The following STK3 variants were observed in gnomAD, a reference collection of about 807,000 sequenced individuals.
The protein encoded by STK3 is serine/threonine kinase 3, also known as serine/threonine-protein kinase 3.
In STK3, 41 loss-of-function variants were observed where a neutral mutation model predicts 58.0. That is an observed-to-expected ratio of 0.71 (90% CI 0.55 to 0.92). STK3 has a LOEUF of 0.92. Ranked by LOEUF, STK3 falls within the 40% of genes least tolerant of loss-of-function variation. The pLI is 0.00. For missense variants in STK3, 479 were observed against 602.7 expected, an observed-to-expected ratio of 0.79 and a Z score of 2.15; for synonymous variants, 170 against 191.0, an observed-to-expected ratio of 0.89 and a Z score of 0.91.
At chr8:98,868,806 TAAAAATA>T (rs1554692505) in intron 3 of STK3, among the ~76,000 whole-genome samples, 3 of 149,398 alleles carry the variant, frequency 2.0e-5, no homozygotes, top group Non-Finnish European at 4.5e-5. Context: ...TTGTCTCTAC[TAAAAATA>T]AAAAATAAAA....
chr8:98,932,773 GGA>G (rs1840046703), intron 1 of STK3, among the ~76,000 whole-genome samples: 1 of 152,194 alleles, frequency 6.6e-6, no homozygotes. Context: ...TTAGGCCCTG[GGA>G]GGACAGCTGG....
intron 3 of STK3, among the ~76,000 whole-genome samples, chr8:98,870,239 T>C (rs544704178): frequency 1.3e-5 from 2 of 152,366 alleles, no homozygotes; most frequent in East Asian, 3.9e-4. Context: ...ATCCAGTCTA[T>C]CACTGATGGA....
At chr8:98,679,548 T>A (rs1823474812) in intron 6 of STK3, among the ~76,000 whole-genome samples, 1 of 152,216 alleles carries the variant, frequency 6.6e-6, no homozygotes, top group Admixed American at 6.5e-5. Flanking sequence ...ATTTTTGATA[T>A]TATCTCCCTC....
At chr8:98,514,587 G>C (rs1267306912) in intron 10 of STK3, among the ~76,000 whole-genome samples, 1 of 151,200 alleles carries the variant, frequency 6.6e-6, no homozygotes, top group Non-Finnish European at 1.5e-5. Flanking sequence ...AAATTCTCAG[G>C]TGACAGCTGT....
intron 6 of STK3, among the ~76,000 whole-genome samples, chr8:98,624,574 G>A (rs578064674): frequency 3.7e-4 from 56 of 152,272 alleles, no homozygotes; most frequent in Admixed American, 2.0e-4. Context: ...TGGTTCAGCC[G>A]GGTGCGGTAG....
chr8:98,658,658 A>T (rs866354976), intron 6 of STK3, among the ~76,000 whole-genome samples: 1 of 151,776 alleles, frequency 6.6e-6, no homozygotes, highest in South Asian at 2.1e-4. Flanking sequence ...ATCACCCCCT[A>T]TTGAACTGCT....
At chr8:98,512,710 A>G (rs1457391328) in intron 10 of STK3, among the ~76,000 whole-genome samples, 3 of 152,176 alleles carry the variant, frequency 2.0e-5, no homozygotes, top group Non-Finnish European at 1.5e-5. Flanking sequence ...GAAATTCTGT[A>G]AGCTTAGATA....
intron 3 of STK3, among the ~76,000 whole-genome samples, chr8:98,753,907 C>T (rs1434463153): frequency 5.3e-5 from 8 of 152,232 alleles, no homozygotes; most frequent in African/African-American, 1.4e-4. Flanking sequence ...CTAGTCTATG[C>T]TACATACAGT....
At chr8:98,655,506 G>A (rs1036267695) in intron 6 of STK3, among the ~76,000 whole-genome samples, 3 of 152,002 alleles carry the variant, frequency 2.0e-5, no homozygotes, top group Admixed American at 6.6e-5. Context: ...AAACTAAAGA[G>A]CTTCTGCACA....
intron 6 of STK3, among the ~76,000 whole-genome samples, chr8:98,626,046 C>A (rs533947682): frequency 6.6e-6 from 1 of 152,176 alleles, no homozygotes; most frequent in East Asian, 1.9e-4. Flanking sequence ...ACCCTGCCCC[C>A]CAGATGCTCC....
chr8:98,887,741 G>A (rs556154009), intron 1 of STK3, among the ~76,000 whole-genome samples: 4 of 152,294 alleles, frequency 2.6e-5, no homozygotes, highest in South Asian at 2.1e-4. Context: ...CTGTGAAACC[G>A]TAGTAGTAGA....
At chr8:98,670,781 G>T (rs1822768640) in intron 6 of STK3, among the ~76,000 whole-genome samples, 1 of 152,214 alleles carries the variant, frequency 6.6e-6, no homozygotes, top group Non-Finnish European at 1.5e-5. Flanking sequence ...AACTTCGAGT[G>T]AGAGACCACC....
chr8:98,574,606 G>C (rs917194455), intron 8 of STK3, among the ~76,000 whole-genome samples: 1 of 152,164 alleles, frequency 6.6e-6, no homozygotes, highest in African/African-American at 2.4e-5. Context: ...GCTGCAATGA[G>C]ATTTATAGGA....
At chr8:98,675,125 T>C (rs1823102692) in intron 6 of STK3, among the ~76,000 whole-genome samples, 1 of 152,148 alleles carries the variant, frequency 6.6e-6, no homozygotes, top group Non-Finnish European at 1.5e-5. Context: ...ATACATAAAG[T>C]GCTTCATGAA....
At chr8:98,852,674 A>G (rs931856200) in intron 3 of STK3, among the ~76,000 whole-genome samples, 3 of 152,200 alleles carry the variant, frequency 2.0e-5, no homozygotes, top group Non-Finnish European at 4.4e-5. Context: ...CAATTCTCAC[A>G]GTTTATTTTT....
chr8:98,687,671 C>T (rs992926610), intron 6 of STK3, among the ~76,000 whole-genome samples: 7 of 152,138 alleles, frequency 4.6e-5, no homozygotes, highest in Non-Finnish European at 8.8e-5. Context: ...TCATATCTTG[C>T]CAAACTAAGC....
intron 7 of STK3, among the ~76,000 whole-genome samples, chr8:98,584,424 G>A (rs559366183): frequency 2.0e-5 from 3 of 151,600 alleles, no homozygotes; most frequent in African/African-American, 7.2e-5. Context: ...CAAAGGACAT[G>A]AACTCATCAT....
At chr8:98,503,795 A>G (rs1379929610) in intron 10 of STK3, among the ~76,000 whole-genome samples, 1 of 152,130 alleles carries the variant, frequency 6.6e-6, no homozygotes, top group African/African-American at 2.4e-5. Context: ...GTTCTTTTAC[A>G]TTTGCTGAGG....
Position 98,866,039 on chromosome 8 carries a change from T to C in STK3, c.110+17608A>G, listed in dbSNP as rs146906009. Among the ~76,000 whole-genome samples the C allele has an allele frequency of 2.6e-5, 4 of 152,364 alleles. No homozygotes were observed. The South Asian group carries it at 6.2e-4, about 24-fold the overall frequency. On this transcript the variant is annotated intron_variant, in intron 3 of 12. Transcript: ENST00000523601. ...TTGCTGTATGTTGCTGCCTGCACAC[T>C]GTGGCTGCTGCTTTCTTCCCTATCT...
Sources: gnomAD v4.1 joint callset for allele counts (sites outside exome capture counted in the v4.1 genomes callset) on GRCh38, gnomAD v4.1.1 for gene constraint, MANE v1.5 for transcripts, NCBI Gene and HGNC (gene_info 2026-07-23, HGNC 2026-07-21) for gene names.